Variants in KSR2 observed in about 807,000 individuals in gnomAD.
KSR2 encodes kinase suppressor of ras 2.
Under a neutral mutation model 107.8 loss-of-function variants are expected in KSR2, and 25 were observed. The observed-to-expected ratio is 0.23, with a 90% CI of 0.17 to 0.32. KSR2 has a LOEUF of 0.32. KSR2 is among the 10% of genes least tolerant of loss of function. The probability of loss-of-function intolerance (pLI) is 1.00; values close to 1 mark genes in which losing one functional copy is unlikely to be tolerated. For synonymous variants in KSR2, 480 were observed against 507.0 expected (o/e 0.95, Z 0.71); for missense variants, 887 against 1,268.9 (o/e 0.70, Z 4.57).
chr12:117,470,930 A>T (rs974270720), intron 18 of KSR2, among the ~76,000 whole-genome samples: 15 of 152,206 alleles, frequency 9.9e-5, no homozygotes, highest in Admixed American at 9.8e-4. Context: ...TATTGGTTCT[A>T]CCTAACTCAG....
At chr12:117,621,363 G>A (rs1222526814) in intron 5 of KSR2, among the ~76,000 whole-genome samples, 4 of 152,122 alleles carry the variant, frequency 2.6e-5, no homozygotes, top group African/African-American at 9.7e-5. Flanking sequence ...TGTGAAAATG[G>A]AATAATACAG....
At chr12:117,942,865 G>T (rs1023320854) in intron 1 of KSR2, among the ~76,000 whole-genome samples, 1 of 152,010 alleles carries the variant, frequency 6.6e-6, no homozygotes, top group Non-Finnish European at 1.5e-5. Context: ...ATTTATTAAG[G>T]CTGTGTTTAT....
chr12:117,470,386 T>TATCC (rs570501324), intron 18 of KSR2, among the ~76,000 whole-genome samples: 64 of 149,604 alleles, frequency 4.3e-4, no homozygotes, highest in East Asian at 6.1e-4. Flanking sequence ...CATCCTTCAT[T>TATCC]ATCCATCCAT....
chr12:117,933,153 C>T (rs1288479301), intron 1 of KSR2, among the ~76,000 whole-genome samples: 1 of 152,160 alleles, frequency 6.6e-6, no homozygotes, highest in Non-Finnish European at 1.5e-5. Context: ...GGTGATAACA[C>T]ATTCCACTTG....
At chr12:117,710,868 A>G (rs1302907373) in intron 4 of KSR2, among the ~76,000 whole-genome samples, 1 of 151,988 alleles carries the variant, frequency 6.6e-6, no homozygotes, top group Non-Finnish European at 1.5e-5. Flanking sequence ...ACCTTCTTTC[A>G]ATGAACATTC....
chr12:117,903,599 A>G (rs1156422392), intron 1 of KSR2, among the ~76,000 whole-genome samples: 1 of 152,172 alleles, frequency 6.6e-6, no homozygotes, highest in Non-Finnish European at 1.5e-5. Context: ...CTACCATATC[A>G]CTGTGGGAGA....
In KSR2 at chr12:117,907,914, A is replaced by G; in HGVS notation, c.181-47483T>C. Among the ~76,000 whole-genome samples, 1 of 152,182 alleles carries G rather than the reference A, an allele frequency of 6.6e-6. No homozygotes were observed. The highest frequency in any genetic ancestry group is 2.1e-4 in the South Asian group (1 of 4,830). On this transcript the variant is annotated intron_variant, in intron 1 of 19. Transcript: ENST00000339824. The surrounding 1 kb of genome is among the most constrained non-coding windows in gnomAD (Gnocchi z 4.3). The stretch of plus-strand genomic sequence containing the variant: ...CACACTGCTTGTCTTATAGAGAGAA[A>G]AAAATCAACTAGAAGTCTCTACTGA...
chr12:117,619,815 T>C (rs996442060), intron 5 of KSR2, among the ~76,000 whole-genome samples: 1 of 151,980 alleles, frequency 6.6e-6, no homozygotes, highest in Non-Finnish European at 1.5e-5. Context: ...GATGTACATA[T>C]AAAATTCACT....
chr12:117,855,309 G>GC (rs1281897923), intron 3 of KSR2, 119 bp downstream of exon 3: 3 of 1,332,514 alleles, frequency 2.3e-6, no homozygotes, highest in Non-Finnish European at 3.1e-6. Context: ...TTTCGGATTT[G>GC]CCCCCCAGGG....
At chr12:117,542,766 T>C (rs1309601660) in intron 9 of KSR2, among the ~76,000 whole-genome samples, 1 of 152,250 alleles carries the variant, frequency 6.6e-6, no homozygotes, top group Admixed American at 6.5e-5. Context: ...TAGCTGGGAT[T>C]AGAGATGTGT....
chr12:117,487,619 G>A (rs1592920077), intron 14 of KSR2, among the ~76,000 whole-genome samples: 1 of 152,158 alleles, frequency 6.6e-6, no homozygotes, highest in East Asian at 1.9e-4. Context: ...TTCCTGAACA[G>A]CCACCTACAC....
intron 5 of KSR2, among the ~76,000 whole-genome samples, chr12:117,587,516 T>C (rs1880076382): frequency 6.6e-6 from 1 of 152,154 alleles, no homozygotes; most frequent in Non-Finnish European, 1.5e-5. Flanking sequence ...CTTAATCCCA[T>C]TGGCATCCAT....
intron 4 of KSR2, among the ~76,000 whole-genome samples, chr12:117,676,643 G>A (rs1396109458): frequency 6.6e-6 from 1 of 152,148 alleles, no homozygotes; most frequent in Non-Finnish European, 1.5e-5. Flanking sequence ...AAAATAGACT[G>A]GCAGTTACAA....
At chr12:117,821,778 C>A (rs1371806770) in intron 3 of KSR2, among the ~76,000 whole-genome samples, 1 of 152,144 alleles carries the variant, frequency 6.6e-6, no homozygotes, top group African/African-American at 2.4e-5. Context: ...ACAATAGGGA[C>A]ATAGCGCTGA....
intron 1 of KSR2, among the ~76,000 whole-genome samples, chr12:117,944,929 T>C (rs1896131443): frequency 6.6e-6 from 1 of 152,050 alleles, no homozygotes; most frequent in African/African-American, 2.4e-5. Context: ...CCATATTATA[T>C]CAGAGAAAAT....
At chr12:117,930,550 T>A (rs1418195314) in intron 1 of KSR2, among the ~76,000 whole-genome samples, 1 of 152,142 alleles carries the variant, frequency 6.6e-6, no homozygotes, top group Admixed American at 6.6e-5. Context: ...GGTAGCCACA[T>A]ACATAAAGCT....
intron 4 of KSR2, among the ~76,000 whole-genome samples, chr12:117,684,117 C>A (rs1223545416): frequency 1.3e-5 from 2 of 152,174 alleles, no homozygotes; most frequent in Non-Finnish European, 2.9e-5. Flanking sequence ...CATCACCTGG[C>A]TCCCCTAGAG....
At chr12:117,797,818 G>C (rs1431707673) in intron 3 of KSR2, among the ~76,000 whole-genome samples, 1 of 150,714 alleles carries the variant, frequency 6.6e-6, no homozygotes, top group African/African-American at 2.4e-5. Flanking sequence ...ATCATGCCTG[G>C]CTAATTGTTT....
intron 10 of KSR2, among the ~76,000 whole-genome samples, chr12:117,537,961 C>T (rs779194214): frequency 5.3e-5 from 8 of 152,194 alleles, no homozygotes; most frequent in Non-Finnish European, 1.2e-4. Context: ...CGGCCCTTCC[C>T]CATCCCTTGG....
Sources: allele counts gnomAD v4.1 joint callset (sites outside exome capture counted in the v4.1 genomes callset), GRCh38; gene constraint gnomAD v4.1.1; non-coding constraint Gnocchi (gnomAD v3.1); transcripts MANE v1.5; gene names NCBI Gene and HGNC (gene_info 2026-07-23, HGNC 2026-07-21).